ERCC3: variants seen among roughly 807,000 people sequenced by gnomAD.
ERCC3 encodes the protein general transcription and DNA repair factor IIH helicase/translocase subunit XPB.
ERCC3 carries 66 observed loss-of-function variants against 94.2 expected under a neutral mutation model. That is an observed-to-expected ratio of 0.70 (90% CI 0.57 to 0.86). ERCC3 has a LOEUF of 0.86. Ranked by LOEUF, ERCC3 falls within the 40% of genes least tolerant of loss-of-function variation. ERCC3 has a pLI of 0.00. For synonymous variants in ERCC3, 349 were observed against 369.1 expected, an observed-to-expected ratio of 0.95 and a Z score of 0.63; for missense variants, 829 against 987.1, an observed-to-expected ratio of 0.84 and a Z score of 2.15.
chr2:127,257,656 T>C lies in ERCC3; in HGVS notation c.2289A>G (p.Ser763=). The C allele has an allele frequency of 6.2e-7, 1 of 1,614,222 alleles. No individual in the cohort carries two copies. Among genetic ancestry groups the C allele is most frequent in the Non-Finnish European group, 8.5e-7 (1 of 1,180,042 alleles). Residue 763 remains serine, a synonymous_variant, in exon 15 of 15, where the codon TCA becomes TCG. Transcript: ENST00000285398. This position sits in a 1 kb window ranked among gnomAD's most constrained non-coding sequence, Gnocchi z 5.4. The part of the protein sequence containing the change: ...ADDTVYMEYH[S]SRSKAPSKHV... Reference sequence around the variant, plus strand: ...GTTTGCTGGGCGCCTTGCTCCGCGATGAGTGGTACTCCATGTACACAGTGT... The same window carrying C: ...GTTTGCTGGGCGCCTTGCTCCGCGACGAGTGGTACTCCATGTACACAGTGT...
intron 12 of ERCC3, among the ~76,000 whole-genome samples, chr2:127,270,592 T>C (rs994090277): frequency 2.0e-5 from 3 of 152,232 alleles, no homozygotes; most frequent in African/African-American, 7.2e-5. Flanking sequence ...ATCTTGTCAT[T>C]TTCAAACATT....
chr2:127,261,167 G>C, intron 13 of ERCC3, 61 bp downstream of exon 13: 1 of 968,416 alleles, frequency 1.0e-6, no homozygotes, highest in Non-Finnish European at 1.7e-6. Context: ...GCTTCTCCTG[G>C]AGGCCAGGGT....
chr2:127,288,709 C>T lies in ERCC3; in HGVS notation c.978G>A (p.Lys326=), dbSNP rs779822517. 1.2e-6 allele frequency: 2 copies of T among 1,614,180 alleles called. No individual in the cohort carries two copies. Among genetic ancestry groups the T allele is most frequent in the South Asian group, 2.2e-5 (2 of 91,090 alleles). ...LRPYQEKSLR[K]MFGNGRARSG... ...AACGTGCACGCCCGTTTCCAAACAT[C>T]TTTCGCAAGCTCTTCTCCTGATAGG... Residue 326 remains lysine (K), a synonymous_variant, in exon 7 of 15, where the codon AAG becomes AAA. Transcript: ENST00000285398.
intron 7 of ERCC3, among the ~76,000 whole-genome samples, chr2:127,288,323 A>G (rs1027260466): frequency 4.6e-5 from 7 of 152,188 alleles, no homozygotes; most frequent in African/African-American, 1.7e-4. Flanking sequence ...CCTTGCCATC[A>G]TTACAATCTC....
At chr2:127,289,045 TTGAAAA>T (rs1221766653) in intron 6 of ERCC3, among the ~76,000 whole-genome samples, 181 bp from the exon 7 acceptor site, 4 of 152,092 alleles carry the variant, frequency 2.6e-5, no homozygotes, top group Non-Finnish European at 5.9e-5. Flanking sequence ...TAACAACACT[TTGAAAA>T]TGAAATCTAA....
intron 12 of ERCC3, among the ~76,000 whole-genome samples, chr2:127,270,615 A>T (rs1046426074): frequency 1.3e-5 from 2 of 152,200 alleles, no homozygotes; most frequent in Non-Finnish European, 2.9e-5. Flanking sequence ...AGCAGTCCAG[A>T]TGCCTCCTTG....
intron 6 of ERCC3, among the ~76,000 whole-genome samples, 184 bp downstream of exon 6, chr2:127,289,153 G>A (rs1221346757): frequency 6.6e-6 from 1 of 152,182 alleles, no homozygotes; most frequent in Non-Finnish European, 1.5e-5. Context: ...AGAGGACACT[G>A]GGACTTTAAC....
chr2:127,286,050 A>G (rs1685054700), intron 8 of ERCC3, among the ~76,000 whole-genome samples: 1 of 152,208 alleles, frequency 6.6e-6, no homozygotes, highest in Non-Finnish European at 1.5e-5. Context: ...CTAAGGATCA[A>G]TATTCCGGGC....
chr2:127,267,903 C>G (rs1295690204), intron 12 of ERCC3, among the ~76,000 whole-genome samples: 2 of 151,924 alleles, frequency 1.3e-5, no homozygotes, highest in African/African-American at 4.8e-5. Flanking sequence ...TAGGATTTTT[C>G]TTTTTTATTT....
intron 10 of ERCC3, among the ~76,000 whole-genome samples, chr2:127,273,749 CAAAAAAAAAAAAA>C (rs398039596): frequency 2.5e-5 from 1 of 40,122 alleles, no homozygotes; most frequent in African/African-American, 1.1e-4. Context: ...AACTCTGTCT[CAAAAAAAAAAAAA>C]AAAAAAAAAA....
intron 3 of ERCC3, 114 bp downstream of exon 3, chr2:127,292,496 A>G: frequency 1.2e-6 from 1 of 809,002 alleles, no homozygotes; most frequent in Non-Finnish European, 2.2e-6. Flanking sequence ...TGCTCCCCAC[A>G]GGAAATCTGA....
chr2:127,259,843 T>C lies in ERCC3; in HGVS notation c.2065-395A>G, dbSNP rs1573926365. 3.1e-6 allele frequency: 1 copy of C among 324,700 alleles called. No homozygotes were observed. Among genetic ancestry groups the C allele is most frequent in the African/African-American group, 2.1e-5 (1 of 46,540 alleles). 20.1% of individuals were successfully genotyped at this position (324,700 alleles called of 1,614,324 possible). On this transcript the variant is annotated intron_variant, in intron 13 of 14. Coordinates refer to ENST00000285398, the MANE Select transcript of ERCC3 (RefSeq NM_000122.2). The surrounding 1 kb of genome is among the most constrained non-coding windows in gnomAD (Gnocchi z 4.9). ...CACAGGCTGTGGCCCTTTGTGAAGG[T>C]CCCTGGCATCTGCTGTGCTCCGCAA...
chr2:127,276,834 G>A (rs887636157), intron 10 of ERCC3, among the ~76,000 whole-genome samples: 1 of 152,274 alleles, frequency 6.6e-6, no homozygotes. Flanking sequence ...CAGTTTTCAA[G>A]GGAAGGAAAA....
rs1573957926 is a variant in ERCC3, at chr2:127,287,082, A to C, written c.1028-65T>G. On this transcript the variant is annotated intron_variant, in intron 7 of 14. Transcript: ENST00000285398. ...TGAAATGAAGGACAGGGACAGGCAG[A>C]ATGACTCACAAGTACAGCAATCTAG... is the stretch of plus-strand genomic sequence containing the variant. The C allele has an allele frequency of 3.9e-6, 5 of 1,287,580 alleles. No homozygotes were observed. The East Asian group carries it at 1.2e-4, about 30-fold the overall frequency. The allele number at this position is 1,287,580 out of a possible 1,614,324, so 79.8% of individuals were successfully genotyped here. A position where few individuals can be genotyped will look rare whatever the true frequency, so the allele number is the denominator to read the frequency against.
At chr2:127,270,788 C>CA (rs1421217907) in intron 12 of ERCC3, among the ~76,000 whole-genome samples, 1 of 152,168 alleles carries the variant, frequency 6.6e-6, no homozygotes, top group Non-Finnish European at 1.5e-5. Flanking sequence ...ACAGGGGTGC[C>CA]ACGCCTCCTC....
In ERCC3 at chr2:127,257,309, CT is replaced by C; in HGVS notation, c.*286del. 1 of 475,694 alleles carries C rather than the reference CT, an allele frequency of 2.1e-6. No homozygotes were observed. The highest frequency in any genetic ancestry group is 4.0e-6 in the Non-Finnish European group (1 of 249,354). 29.5% of individuals were successfully genotyped at this position (475,694 alleles called of 1,614,324 possible). On this transcript the variant is annotated 3_prime_UTR_variant, in exon 15 of 15. Coordinates refer to ENST00000285398, the MANE Select transcript of ERCC3 (RefSeq NM_000122.2). This position sits in a 1 kb window ranked among gnomAD's most constrained non-coding sequence, Gnocchi z 5.4. Reference sequence around the variant, plus strand: ...ATGAAGACTGGTTCAATGGTCCATTCTGTTTATTCAGAACGGTAACATAAAT... The same window carrying C: ...ATGAAGACTGGTTCAATGGTCCATTCGTTTATTCAGAACGGTAACATAAAT...
chr2:127,285,282 G>C (rs890299362), intron 8 of ERCC3, among the ~76,000 whole-genome samples: 1 of 152,208 alleles, frequency 6.6e-6, no homozygotes, highest in African/African-American at 2.4e-5. Flanking sequence ...CATGGTGGCC[G>C]AATGCAGTGG....
At chr2:127,278,620 T>C (rs867401799) in intron 10 of ERCC3, among the ~76,000 whole-genome samples, 3 of 152,218 alleles carry the variant, frequency 2.0e-5, no homozygotes, top group Non-Finnish European at 4.4e-5. Flanking sequence ...CCTGTGTCAC[T>C]GTAGGAGCAA....
At chr2:127,292,402 A>G in intron 3 of ERCC3, 1 of 636,110 alleles carries the variant, frequency 1.6e-6, no homozygotes, top group Non-Finnish European at 2.9e-6. Context: ...CTGGATCCAG[A>G]GTGTAGCGGC....
Sources: allele counts gnomAD v4.1 joint callset (sites outside exome capture counted in the v4.1 genomes callset), GRCh38; gene constraint gnomAD v4.1.1; non-coding constraint Gnocchi (gnomAD v3.1); transcripts MANE v1.5; gene names NCBI Gene and HGNC (gene_info 2026-07-23, HGNC 2026-07-21).